Variants in CFAP61 observed in about 807,000 individuals in gnomAD.
The protein encoded by CFAP61 is cilia- and flagella-associated protein 61.
Under a neutral mutation model 135.6 loss-of-function variants are expected in CFAP61, and 107 were observed. The observed-to-expected ratio is 0.79, with a 90% CI of 0.67 to 0.93. The LOEUF is 0.93. Ranked by LOEUF, CFAP61 falls within the 40% of genes least tolerant of loss-of-function variation. The pLI, the probability that CFAP61 is intolerant of heterozygous loss-of-function variation, is 0.00. For synonymous variants in CFAP61, 575 were observed against 578.5 expected (o/e 0.99, Z 0.09); for missense variants, 1,507 against 1,556.2 (o/e 0.97, Z 0.53).
At chr20:20,176,506 C>A (rs1192319357) in intron 13 of CFAP61, among the ~76,000 whole-genome samples, 2 of 152,132 alleles carry the variant, frequency 1.3e-5, no homozygotes, top group African/African-American at 4.8e-5. Context: ...TACTATGATA[C>A]CATGGAATAC....
intron 2 of CFAP61, among the ~76,000 whole-genome samples, chr20:20,067,420 TA>T (rs1476843973): frequency 6.6e-6 from 1 of 151,262 alleles, no homozygotes; most frequent in Non-Finnish European, 1.5e-5. Context: ...ATAAAAAAAC[TA>T]AAAAAAGTAA....
intron 6 of CFAP61, among the ~76,000 whole-genome samples, chr20:20,077,383 A>G (rs117486132): frequency 1.3e-5 from 2 of 152,344 alleles, no homozygotes; most frequent in Non-Finnish European, 2.9e-5. Context: ...ATCCACAGAG[A>G]TAGGAATCAG....
chr20:20,141,196 C>T (rs1409550700), intron 8 of CFAP61, among the ~76,000 whole-genome samples: 3 of 152,178 alleles, frequency 2.0e-5, no homozygotes, highest in African/African-American at 7.2e-5. Context: ...GCTGGGATTA[C>T]AGGTGTGAGC....
intron 3 of CFAP61, chr20:20,074,026 A>G: frequency 2.2e-6 from 1 of 445,414 alleles, no homozygotes; most frequent in Non-Finnish European, 4.1e-6. Flanking sequence ...CCCGCAGCTC[A>G]TTCGTGAGGG....
chr20:20,347,764 C>T (rs893072949), intron 26 of CFAP61, among the ~76,000 whole-genome samples: 2 of 151,942 alleles, frequency 1.3e-5, no homozygotes, highest in Non-Finnish European at 2.9e-5. Flanking sequence ...GAAACCCCTT[C>T]TCTACCAAAA....
At position 20,196,240 on chromosome 20, in the gene CFAP61, G is replaced by A. The variant is rs77866383; in HGVS notation, c.1591-330G>A. 9.8e-3 allele frequency among the ~76,000 whole-genome samples: 1,489 copies of A among 152,148 alleles called. 26 individuals are homozygous for A. Among genetic ancestry groups the A allele is most frequent in the African/African-American group, 0.034 (1,424 of 41,494 alleles). On this transcript the variant is annotated intron_variant, in intron 15 of 26. Transcript: ENST00000245957. ...GTGCTGACTGGCTTGTGCTCACATC[G>A]CCTGGCAGTGTCACGGAGCTGCTGT...
chr20:20,070,768 C>A, intron 2 of CFAP61, 86 bp from the exon 3 acceptor site: 1 of 1,256,470 alleles, frequency 8.0e-7, no homozygotes, highest in South Asian at 1.4e-5. Flanking sequence ...CTGCTGAGCT[C>A]CAGTAGCCAG....
rs575295307 is a variant in CFAP61 at position 20,095,015 on chromosome 20, A to C, written c.700-3640A>C. ...GCTTGTTAAACACAGCTATTATTAA[A>C]AATTAAATTATAGAAACCTACAGTG... On this transcript the variant is annotated intron_variant, in intron 7 of 26. Transcript: ENST00000245957. Among the ~76,000 whole-genome samples the C allele has an allele frequency of 6.0e-4, 92 of 152,342 alleles. No individual in the cohort carries two copies. In the South Asian group the frequency reaches 0.019, roughly 32 times the overall value.
At chr20:20,069,034 C>T (rs2045518930) in intron 2 of CFAP61, among the ~76,000 whole-genome samples, 1 of 152,148 alleles carries the variant, frequency 6.6e-6, no homozygotes. Context: ...TGAGCCACCG[C>T]GCCCGGCCTT....
chr20:20,291,198 T>C (rs990497704), intron 24 of CFAP61, among the ~76,000 whole-genome samples: 1 of 152,160 alleles, frequency 6.6e-6, no homozygotes, highest in Non-Finnish European at 1.5e-5. Flanking sequence ...ACATTAGCGT[T>C]CATTCTTGGT....
At chr20:20,071,753 CAT>C (rs1368530529) in intron 3 of CFAP61, among the ~76,000 whole-genome samples, 2 of 152,140 alleles carry the variant, frequency 1.3e-5, no homozygotes, top group African/African-American at 2.4e-5. Context: ...AATGTGCACA[CAT>C]ACACACACCC....
chr20:20,157,657 A>G (rs1469321905), intron 9 of CFAP61, among the ~76,000 whole-genome samples: 2 of 152,212 alleles, frequency 1.3e-5, no homozygotes, highest in African/African-American at 4.8e-5. Flanking sequence ...TCAAACCAAT[A>G]TAACCTCTAG....
At chr20:20,100,248 C>T (rs2047925301) in intron 8 of CFAP61, among the ~76,000 whole-genome samples, 1 of 151,638 alleles carries the variant, frequency 6.6e-6, no homozygotes, top group Non-Finnish European at 1.5e-5. Flanking sequence ...TCTTGGCTCA[C>T]TGCAACCTCT....
intron 7 of CFAP61, among the ~76,000 whole-genome samples, chr20:20,095,272 C>T (rs1000417440): frequency 4.6e-5 from 7 of 152,260 alleles, no homozygotes; most frequent in African/African-American, 1.7e-4. Context: ...CCTCAGAAAT[C>T]GGCAAATGCT....
intron 21 of CFAP61, among the ~76,000 whole-genome samples, chr20:20,269,146 T>TATATAC (rs1419572825): frequency 4.1e-4 from 35 of 85,606 alleles, no homozygotes; most frequent in African/African-American, 9.1e-4. Flanking sequence ...TATATATATA[T>TATATAC]ACACACACAC....
chr20:20,318,014 C>G (rs549977911), intron 25 of CFAP61, among the ~76,000 whole-genome samples: 47 of 152,318 alleles, frequency 3.1e-4, no homozygotes, highest in African/African-American at 1.1e-3. Flanking sequence ...AGGATATTCA[C>G]ATGGACTGGC....
At chr20:20,355,167 TGA>T (rs1569330272) in intron 26 of CFAP61, among the ~76,000 whole-genome samples, 1 of 116,980 alleles carries the variant, frequency 8.5e-6, no homozygotes, top group Non-Finnish European at 1.7e-5. Context: ...GGGGTCACTG[TGA>T]GAGGGGAGAA....
intron 13 of CFAP61, among the ~76,000 whole-genome samples, chr20:20,187,225 G>A (rs940242670): frequency 6.6e-6 from 1 of 152,222 alleles, no homozygotes; most frequent in Non-Finnish European, 1.5e-5. Context: ...GGTGTTGGCT[G>A]AACACGGGCT....
chr20:20,265,373 A>C, intron 21 of CFAP61: 1 of 779,780 alleles, frequency 1.3e-6, no homozygotes, highest in Non-Finnish European at 2.4e-6. Context: ...GAAGCGCTGT[A>C]GTCTCTTTCA....
Sources: gnomAD v4.1 joint callset for allele counts (sites outside exome capture counted in the v4.1 genomes callset) on GRCh38, gnomAD v4.1.1 for gene constraint, MANE v1.5 for transcripts, NCBI Gene and HGNC (gene_info 2026-07-23, HGNC 2026-07-21) for gene names.